The following NKAIN2 variants were observed in gnomAD, a reference collection of about 807,000 sequenced individuals.
NKAIN2 encodes the protein sodium/potassium transporting ATPase interacting 2, also known as sodium/potassium-transporting ATPase subunit beta-1-interacting protein 2.
A neutral mutation model predicts 32.6 loss-of-function variants in NKAIN2; 14 were observed. The observed-to-expected ratio is 0.43, with a 90% confidence interval of 0.28 to 0.67. The LOEUF is 0.67. Ranked by LOEUF, NKAIN2 falls within the 30% of genes least tolerant of loss-of-function variation. The pLI is 0.17. For missense variants in NKAIN2, 198 were observed against 258.3 expected, an observed-to-expected ratio of 0.77 and a Z score of 1.60; for synonymous variants, 80 against 87.2, an observed-to-expected ratio of 0.92 and a Z score of 0.46.
chr6:123,813,561 C>T (rs777850743), intron 1 of NKAIN2, among the ~76,000 whole-genome samples: 18 of 152,088 alleles, frequency 1.2e-4, no homozygotes, highest in Non-Finnish European at 2.4e-4. Context: ...CCTGTAATAC[C>T]AGCACTTTGG....
intron 4 of NKAIN2, among the ~76,000 whole-genome samples, chr6:124,763,362 T>C (rs1342165980): frequency 6.6e-6 from 1 of 152,218 alleles, no homozygotes; most frequent in African/African-American, 2.4e-5. Flanking sequence ...CTTCTACTTC[T>C]GGGGAGGCCT....
chr6:124,110,788 A>G (rs1289168300), intron 1 of NKAIN2, among the ~76,000 whole-genome samples: 4 of 151,974 alleles, frequency 2.6e-5, no homozygotes, highest in Non-Finnish European at 4.4e-5. Context: ...TCTTTATCCA[A>G]CCCACCATGA....
At chr6:124,637,224 A>G (rs1293606894) in intron 3 of NKAIN2, among the ~76,000 whole-genome samples, 1 of 152,128 alleles carries the variant, frequency 6.6e-6, no homozygotes, top group African/African-American at 2.4e-5. Context: ...CAAATTAGGT[A>G]TAAAAGAAAC....
At chr6:124,307,646 T>G (rs1341294071) in intron 2 of NKAIN2, among the ~76,000 whole-genome samples, 2 of 152,338 alleles carry the variant, frequency 1.3e-5, no homozygotes, top group East Asian at 3.9e-4. Flanking sequence ...ATTGAATTTC[T>G]TGTTCTTTAT....
chr6:124,295,948 C>A (rs1274338350), intron 2 of NKAIN2, among the ~76,000 whole-genome samples: 1 of 151,996 alleles, frequency 6.6e-6, no homozygotes, highest in African/African-American at 2.4e-5. Flanking sequence ...TTCTTGTAAC[C>A]ATTGCTACAT....
intron 1 of NKAIN2, among the ~76,000 whole-genome samples, chr6:124,180,649 GAAGTC>G (rs1389735324): frequency 1.3e-5 from 2 of 152,146 alleles, no homozygotes; most frequent in African/African-American, 4.8e-5. Context: ...CATTAAATCA[GAAGTC>G]AAGAGTCCAA....
chr6:124,426,975 CTCTT>C (rs1230631370), intron 3 of NKAIN2, among the ~76,000 whole-genome samples: 1 of 152,158 alleles, frequency 6.6e-6, no homozygotes, highest in African/African-American at 2.4e-5. Context: ...TCCATTAAAC[CTCTT>C]TCTTGTATAA....
chr6:124,063,195 T>TTATA (rs368880263), intron 1 of NKAIN2, among the ~76,000 whole-genome samples: 5 of 150,526 alleles, frequency 3.3e-5, no homozygotes, highest in Admixed American at 1.3e-4. Context: ...AAAAAAAAAA[T>TTATA]TATATATATA....
chr6:124,344,623 G>A (rs1054438526), intron 2 of NKAIN2, among the ~76,000 whole-genome samples: 2 of 151,834 alleles, frequency 1.3e-5, no homozygotes, highest in Admixed American at 6.6e-5. Flanking sequence ...TCATGATTTG[G>A]CTCTCTGTTT....
chr6:124,700,883 C>T (rs181040718), intron 4 of NKAIN2, among the ~76,000 whole-genome samples: 1 of 151,562 alleles, frequency 6.6e-6, no homozygotes, highest in African/African-American at 2.4e-5. Flanking sequence ...CACACACACA[C>T]ACACACACAC....
chr6:124,743,188 C>T (rs182758876), intron 4 of NKAIN2, among the ~76,000 whole-genome samples: 1 of 151,818 alleles, frequency 6.6e-6, no homozygotes, highest in Admixed American at 6.6e-5. Context: ...TGGAAGCTTG[C>T]CTAACCACTC....
At chr6:124,471,831 A>T (rs929421470) in intron 3 of NKAIN2, among the ~76,000 whole-genome samples, 4 of 152,170 alleles carry the variant, frequency 2.6e-5, no homozygotes, top group Non-Finnish European at 4.4e-5. Context: ...TAATTGTATA[A>T]GTTAATGGTG....
At chr6:124,353,461 C>T (rs943002702) in intron 2 of NKAIN2, among the ~76,000 whole-genome samples, 15 of 152,064 alleles carry the variant, frequency 9.9e-5, no homozygotes, top group African/African-American at 3.4e-4. Flanking sequence ...GGATAATATA[C>T]AAAGAGGCAC....
rs190230898 is a variant in NKAIN2, at chr6:124,476,384, T to G, written c.273+121037T>G. 3.7e-4 allele frequency among the ~76,000 whole-genome samples: 54 copies of G among 147,692 alleles called. 1 individual carries two copies. The East Asian group carries it at 0.011, about 29-fold the overall frequency. ...ACCTGTTTCTTTTACTGAATTCATA[T>G]GTATGTATGTGACTGTGTGTGTGTG... On this transcript the variant is annotated intron_variant, in intron 3 of 6. Transcript: ENST00000368417.
intron 2 of NKAIN2, among the ~76,000 whole-genome samples, chr6:124,346,420 T>C (rs1486391213): frequency 6.6e-6 from 1 of 152,210 alleles, no homozygotes; most frequent in Non-Finnish European, 1.5e-5. Flanking sequence ...ATCTGTCTAA[T>C]GTTGACAGTG....
At chr6:123,977,947 A>G (rs1562288939) in intron 1 of NKAIN2, among the ~76,000 whole-genome samples, 2 of 152,142 alleles carry the variant, frequency 1.3e-5, no homozygotes, top group African/African-American at 4.8e-5. Context: ...CTCATGTCTT[A>G]TTGAGGAGGA....
chr6:124,798,880 CT>C (rs1562389738), intron 5 of NKAIN2, among the ~76,000 whole-genome samples: 1 of 152,166 alleles, frequency 6.6e-6, no homozygotes, highest in Non-Finnish European at 1.5e-5. Flanking sequence ...AGATCCACCC[CT>C]GTCTTGTTCC....
rs533423549 is a variant in NKAIN2 at position 124,607,739 on chromosome 6, G to T, written c.274-50447G>T. ...ATATAAACTGTTCACAACTTACAAT[G>T]GTTCAACCTATGATTTTTTACCTTT... On this transcript the variant is annotated intron_variant, in intron 3 of 6. Coordinates refer to ENST00000368417, the MANE Select transcript of NKAIN2 (RefSeq NM_001040214.3). 2.6e-4 allele frequency among the ~76,000 whole-genome samples: 39 copies of T among 151,766 alleles called. 2 individuals are homozygous for T. The South Asian group carries it at 7.3e-3, about 28-fold the overall frequency.
chr6:124,701,264 C>T (rs539826925), intron 4 of NKAIN2, among the ~76,000 whole-genome samples: 5 of 151,732 alleles, frequency 3.3e-5, no homozygotes, highest in African/African-American at 7.3e-5. Flanking sequence ...TTGATTATTT[C>T]TGTTGTAATA....
Sources: gnomAD v4.1 joint callset for allele counts (sites outside exome capture counted in the v4.1 genomes callset) on GRCh38, gnomAD v4.1.1 for gene constraint, MANE v1.5 for transcripts, NCBI Gene and HGNC (gene_info 2026-07-23, HGNC 2026-07-21) for gene names.